The following OTUD7A variants were observed in gnomAD, a reference collection of about 807,000 sequenced individuals.
The protein encoded by OTUD7A is OTU deubiquitinase 7A, also known as OTU domain-containing protein 7A.
Under a neutral mutation model 65.7 loss-of-function variants are expected in OTUD7A, and 12 were observed. The ratio of observed to expected loss-of-function variants is 0.18; its 90% CI spans 0.12 to 0.30. The LOEUF (loss-of-function observed/expected upper bound fraction) is 0.30, where lower values mean the gene tolerates loss of function less well. Among genes scored for constraint, OTUD7A ranks in the 10% least tolerant of loss-of-function variants. The pLI is 1.00. For synonymous variants in OTUD7A, 641 were observed against 586.3 expected (o/e 1.09, Z -1.35); for missense variants, 1,148 against 1,304.8 (o/e 0.88, Z 1.85).
chr15:31,515,471 T>C (rs373174779), intron 8 of OTUD7A, among the ~76,000 whole-genome samples: 6 of 152,172 alleles, frequency 3.9e-5, no homozygotes, highest in Admixed American at 6.5e-5. Flanking sequence ...TAAATATTCA[T>C]TGAGCACTTA....
chr15:31,642,445 T>A (rs190820894), intron 3 of OTUD7A, among the ~76,000 whole-genome samples: 6 of 152,346 alleles, frequency 3.9e-5, no homozygotes, highest in Admixed American at 3.3e-4. Flanking sequence ...CCTTTTCAAT[T>A]TCCTGGAAGA....
At chr15:31,544,362 G>A (rs1888069932) in intron 5 of OTUD7A, among the ~76,000 whole-genome samples, 1 of 151,704 alleles carries the variant, frequency 6.6e-6, no homozygotes, top group South Asian at 2.1e-4. Flanking sequence ...AAAGTAGAGG[G>A]AGAAAATAAT....
intron 3 of OTUD7A, among the ~76,000 whole-genome samples, chr15:31,627,973 T>G (rs1250706165): frequency 6.6e-6 from 1 of 152,186 alleles, no homozygotes; most frequent in Non-Finnish European, 1.5e-5. Flanking sequence ...TTTGAGTTCA[T>G]TGTAGATTCT....
At chr15:31,787,129 T>G (rs1301928200) in intron 1 of OTUD7A, among the ~76,000 whole-genome samples, 1 of 152,154 alleles carries the variant, frequency 6.6e-6, no homozygotes. Flanking sequence ...CAGGATGTGA[T>G]GATGGAGAAC....
intron 1 of OTUD7A, among the ~76,000 whole-genome samples, chr15:31,726,177 G>T (rs1167897718): frequency 6.6e-6 from 1 of 150,752 alleles, no homozygotes; most frequent in South Asian, 2.1e-4. Context: ...ATTCCCTATC[G>T]GGCCTTAAAT....
At chr15:31,701,425 TAA>T (rs1893211137) in intron 1 of OTUD7A, among the ~76,000 whole-genome samples, 1 of 151,624 alleles carries the variant, frequency 6.6e-6, no homozygotes, top group East Asian at 1.9e-4. Flanking sequence ...ATATTTAAAA[TAA>T]AAAGTTTAAA....
In OTUD7A at chr15:31,668,252, T is replaced by C. The variant is rs143235540; in HGVS notation, c.-99-11175A>G. Among the ~76,000 whole-genome samples the C allele has an allele frequency of 4.3e-3, 658 of 152,330 alleles. 7 individuals are homozygous for C. The East Asian group carries it at 0.051, about 12-fold the overall frequency. On this transcript the variant is annotated intron_variant, in intron 1 of 12. Transcript: ENST00000307050. Reference sequence around the variant, plus strand: ...CCCCAAATATATTTTTCCAAGCTTTTAGAAATCTCTTATTCCTCAGGAACA... The same window carrying C: ...CCCCAAATATATTTTTCCAAGCTTTCAGAAATCTCTTATTCCTCAGGAACA...
At chr15:31,786,184 TCTC>T (rs1249020226) in intron 1 of OTUD7A, among the ~76,000 whole-genome samples, 2 of 152,178 alleles carry the variant, frequency 1.3e-5, no homozygotes, top group Non-Finnish European at 1.5e-5. Context: ...ACCTTGGACT[TCTC>T]AGCCTCCATA....
At chr15:31,752,090 A>G (rs566034698) in intron 1 of OTUD7A, among the ~76,000 whole-genome samples, 2 of 152,354 alleles carry the variant, frequency 1.3e-5, no homozygotes, top group South Asian at 4.1e-4. Flanking sequence ...GCATATTCAT[A>G]TACAAATAAA....
intron 5 of OTUD7A, among the ~76,000 whole-genome samples, chr15:31,549,240 C>T (rs149406830): frequency 3.7e-4 from 57 of 152,012 alleles, no homozygotes; most frequent in African/African-American, 1.3e-3. Context: ...TTAAAAGTGG[C>T]ACATCAGGAA....
chr15:31,757,895 C>A (rs1370866213), intron 1 of OTUD7A, among the ~76,000 whole-genome samples: 1 of 152,078 alleles, frequency 6.6e-6, no homozygotes, highest in African/African-American at 2.4e-5. Flanking sequence ...TGAGGTTGAC[C>A]CACTGATGAT....
chr15:31,631,014 A>G (rs1190360692), intron 3 of OTUD7A, among the ~76,000 whole-genome samples: 4 of 152,286 alleles, frequency 2.6e-5, no homozygotes, highest in Non-Finnish European at 5.9e-5. Flanking sequence ...TGAATACAGC[A>G]CACTGATGGG....
chr15:31,498,198 G>T lies in OTUD7A; in HGVS notation c.1171+3492C>A, dbSNP rs1189478094. 1.3e-5 allele frequency among the ~76,000 whole-genome samples: 2 copies of T among 152,208 alleles called. No individual in the cohort carries two copies. Among genetic ancestry groups the T allele is most frequent in the African/African-American group, 2.4e-5 (1 of 41,448 alleles). ...TTGAGGGTATGCTCAGCACACCTGT[G>T]TCCCCTCTCTGTGTAACTGGGCACC... On this transcript the variant is annotated intron_variant, in intron 10 of 12. Coordinates refer to ENST00000307050, the MANE Select transcript of OTUD7A (RefSeq NM_001382637.1). The surrounding 1 kb of genome is among the most constrained non-coding windows in gnomAD (Gnocchi z 4.2).
chr15:31,827,008 A>C (rs1473604135), intron 1 of OTUD7A, among the ~76,000 whole-genome samples: 1 of 152,188 alleles, frequency 6.6e-6, no homozygotes, highest in African/African-American at 2.4e-5. Context: ...GAGGTTCCAA[A>C]CTTCCCCACA....
intron 1 of OTUD7A, among the ~76,000 whole-genome samples, chr15:31,845,686 C>A (rs1239566245): frequency 1.3e-5 from 2 of 152,222 alleles, no homozygotes; most frequent in African/African-American, 4.8e-5. Flanking sequence ...CCCCTCCTAG[C>A]ACCTCTGCAA....
chr15:31,679,514 TGTTCTCATGATAGTGAGTGA>T, intron 1 of OTUD7A, among the ~76,000 whole-genome samples: 1 of 152,354 alleles, frequency 6.6e-6, no homozygotes, highest in East Asian at 1.9e-4. Flanking sequence ...TCTCCCATGC[TGTTCTCATGATAGTGAGTGA>T]GTTCTCATGA....
At chr15:31,572,548 T>C (rs944981206) in intron 3 of OTUD7A, among the ~76,000 whole-genome samples, 2 of 152,248 alleles carry the variant, frequency 1.3e-5, no homozygotes, top group African/African-American at 4.8e-5. Flanking sequence ...TTTGATTTTT[T>C]TTCATTGTCT....
intron 3 of OTUD7A, among the ~76,000 whole-genome samples, chr15:31,651,594 CA>C (rs1316142441): frequency 3.3e-5 from 5 of 151,452 alleles, no homozygotes; most frequent in African/African-American, 1.2e-4. Flanking sequence ...CACACACACA[CA>C]CACACACACA....
intron 1 of OTUD7A, among the ~76,000 whole-genome samples, chr15:31,798,212 G>A (rs1318782235): frequency 6.6e-6 from 1 of 152,110 alleles, no homozygotes; most frequent in African/African-American, 2.4e-5. Context: ...TTTGTGGGGG[G>A]GTGGGGGTCC....
Sources: allele counts gnomAD v4.1 joint callset (sites outside exome capture counted in the v4.1 genomes callset), GRCh38; gene constraint gnomAD v4.1.1; non-coding constraint Gnocchi (gnomAD v3.1); transcripts MANE v1.5; gene names NCBI Gene and HGNC (gene_info 2026-07-23, HGNC 2026-07-21).